Variants in LY6H observed in about 807,000 individuals in gnomAD.
The protein encoded by LY6H is lymphocyte antigen 6 family member H, also known as lymphocyte antigen 6H.
A neutral mutation model predicts 14.6 loss-of-function variants in LY6H; 8 were observed. The ratio of observed to expected loss-of-function variants is 0.55; its 90% CI spans 0.32 to 0.99. The LOEUF is 0.99. Ranked by LOEUF, LY6H falls within the 50% of genes least tolerant of loss-of-function variation. LY6H has a pLI of 0.04. For synonymous variants in LY6H, 115 were observed against 97.2 expected, an observed-to-expected ratio of 1.18 and a Z score of -1.08; for missense variants, 196 against 219.6, an observed-to-expected ratio of 0.89 and a Z score of 0.68.
chr8:143,160,102 G>A lies in LY6H; in HGVS notation c.2+96C>T, dbSNP rs980768950. 1.3e-5 allele frequency: 14 copies of A among 1,078,072 alleles called. No homozygotes were observed. In the South Asian group the frequency reaches 2.3e-4, roughly 18 times the overall value. The allele number at this position is 1,078,072 out of a possible 1,614,324, so 66.8% of individuals were successfully genotyped here. A position where few individuals can be genotyped will look rare whatever the true frequency, so the allele number is the denominator to read the frequency against. ...CCTGGGCTGGGGGGCCGGGAACCCCGGGCCGAGTCCCCTCCCTTGGCCTTC... is the reference window on the plus strand; with the variant it reads ...CCTGGGCTGGGGGGCCGGGAACCCCAGGCCGAGTCCCCTCCCTTGGCCTTC... On this transcript the variant is annotated intron_variant, in intron 1 of 3. Transcript: ENST00000342752.
At chr8:143,159,090 C>T in intron 2 of LY6H, 168 bp from the exon 3 acceptor site, 1 of 923,710 alleles carries the variant, frequency 1.1e-6, no homozygotes, top group Non-Finnish European at 1.7e-6. Context: ...GGCCCTGGGA[C>T]AACTGTGCCC....
chr8:143,160,164 G>T, intron 1 of LY6H, 34 bp downstream of exon 1: 2 of 1,276,656 alleles, frequency 1.6e-6, no homozygotes, highest in Non-Finnish European at 2.0e-6. Context: ...ATGGGGCGTG[G>T]AGCGCGGGCC....
At chr8:143,159,453 C>G in intron 2 of LY6H, 129 bp downstream of exon 2, 1 of 1,144,286 alleles carries the variant, frequency 8.7e-7, no homozygotes, top group African/African-American at 1.6e-5. Context: ...GCAGGGGTCC[C>G]GGAGGGGGCG....
chr8:143,158,857 A>G lies in LY6H; in HGVS notation c.196T>C (p.Cys66Arg). 1 of 1,610,414 alleles carries G rather than the reference A, an allele frequency of 6.2e-7. No homozygotes were observed. Among genetic ancestry groups the G allele is most frequent in the Non-Finnish European group, 8.5e-7 (1 of 1,177,206 alleles). ...TNSSHCTPKQCQPSDTVCASV... is the reference protein window; with the variant it reads ...TNSSHCTPKQRQPSDTVCASV... ...GCACACACCGTGTCGGACGGCTGGCACTGCTTTGGGGTGCAATGGCTGGAG... is the reference window on the plus strand; with the variant it reads ...GCACACACCGTGTCGGACGGCTGGCGCTGCTTTGGGGTGCAATGGCTGGAG... The change falls in exon 3 of 4, where the codon TGC becomes CGC. Residue 66 changes from cysteine to arginine, a missense_variant. Physicochemically the swap from Cys to Arg is radical, Grantham distance 180. Coordinates refer to ENST00000342752, the MANE Select transcript of LY6H (RefSeq NM_001135655.2).
Position 143,158,178 on chromosome 8 carries a change from C to T in LY6H, c.*72G>A, listed in dbSNP as rs931241967. 138 of 1,145,184 alleles carry T rather than the reference C, an allele frequency of 1.2e-4. No individual in the cohort carries two copies. The highest frequency in any genetic ancestry group is 1.6e-4 in the Non-Finnish European group (127 of 808,812). The allele number at this position is 1,145,184 out of a possible 1,614,324, so 70.9% of individuals were successfully genotyped here. A position where few individuals can be genotyped will look rare whatever the true frequency, so the allele number is the denominator to read the frequency against. On this transcript the variant is annotated 3_prime_UTR_variant, in exon 4 of 4. Transcript: ENST00000342752. ...CCAAGGCTGCCCCCAGCCCCAGCCA[C>T]GCCAGGCTGGGGAGAGGGCAGCCAC...
In LY6H at chr8:143,158,999, TC is replaced by T. The variant is rs779985866; in HGVS notation, c.131-78del. Reference sequence around the variant, plus strand: ...GGCAGCCCCCTGCGCCCCCCACCCATCCCCCTGCTGCAGGCACTCCTGGGAG... The same window carrying T: ...GGCAGCCCCCTGCGCCCCCCACCCATCCCCTGCTGCAGGCACTCCTGGGAG... On this transcript the variant is annotated intron_variant, in intron 2 of 3. Transcript: ENST00000342752. The T allele has an allele frequency of 4.7e-6, 7 of 1,488,262 alleles. No individual in the cohort carries two copies. The Middle Eastern group carries it at 6.0e-4, about 127-fold the overall frequency. 92.2% of individuals were successfully genotyped at this position (1,488,262 alleles called of 1,614,324 possible).
rs144642261 is a variant in LY6H at position 143,158,319 on chromosome 8, G to A, written c.417C>T (p.His139=). The A allele has an allele frequency of 7.1e-5, 115 of 1,613,444 alleles. No individual in the cohort carries two copies. The highest frequency in any genetic ancestry group is 8.8e-5 in the Non-Finnish European group (104 of 1,179,856). The change falls in exon 4 of 4, where the codon CAC becomes CAT. Residue 139 remains histidine (H), a synonymous_variant. Coordinates refer to ENST00000342752, the MANE Select transcript of LY6H (RefSeq NM_001135655.2). ...GCCCCCCGGCCAGGGCCCAGGGGCT[G>A]TGCCCTGCCCCTGCCGCCCCATTGC... ...DLCNGAAGAG[H]SPWALAGGLL...
rs1207156966 is a variant in LY6H at position 143,159,646 on chromosome 8, C to T, written c.66G>A (p.Met22Ile). The part of the protein sequence containing the change: ...PRAAPRPTRS[M>I]LPAAMKGLGL... The stretch of plus-strand genomic sequence containing the variant: ...CGAGGCCCTTCATGGCTGCAGGCAG[C>T]ATGCTCCGGGTGGGCCTGGGGGCGG... The change falls in exon 2 of 4, where the codon ATG (methionine) becomes ATA (isoleucine). Residue 22 changes from methionine to isoleucine, a missense_variant. Transcript: ENST00000342752. The T allele has an allele frequency of 4.2e-6, 6 of 1,444,354 alleles. No individual in the cohort carries two copies. In the East Asian group the frequency reaches 1.5e-4, roughly 35 times the overall value. The allele number at this position is 1,444,354 out of a possible 1,614,324, so 89.5% of individuals were successfully genotyped here.
intron 2 of LY6H, 188 bp from the exon 3 acceptor site, chr8:143,159,110 A>T (rs1586673854): frequency 1.3e-6 from 1 of 763,904 alleles, no homozygotes; most frequent in East Asian, 2.7e-5. Context: ...CCATCCTGGC[A>T]GTTTGAGGGG....
chr8:143,159,425 G>A, intron 2 of LY6H, 157 bp downstream of exon 2: 5 of 832,378 alleles, frequency 6.0e-6, no homozygotes, highest in Non-Finnish European at 8.6e-6. Flanking sequence ...CAGAGGGGCC[G>A]AGGGCCGGGC....
chr8:143,159,359 C>T, intron 2 of LY6H: 1 of 567,556 alleles, frequency 1.8e-6, no homozygotes, highest in Non-Finnish European at 3.0e-6. Flanking sequence ...CGGGGCCAGC[C>T]GCCCACCAGT....
At chr8:143,160,026 G>T in intron 1 of LY6H, 172 bp downstream of exon 1, 3 of 1,186,016 alleles carry the variant, frequency 2.5e-6, no homozygotes, top group Non-Finnish European at 3.2e-6. Context: ...GCGGGAGCGG[G>T]TGGGACCTGC....
intron 1 of LY6H, 94 bp downstream of exon 1, chr8:143,160,104 G>C (rs1815563015): frequency 2.8e-6 from 3 of 1,088,634 alleles, no homozygotes; most frequent in Non-Finnish European, 3.5e-6. Context: ...GGAACCCCGG[G>C]CCGAGTCCCC....
chr8:143,158,682 C>T lies in LY6H; in HGVS notation c.250+121G>A, dbSNP rs10106616. The stretch of plus-strand genomic sequence containing the variant: ...CCAGGGGGGGACAGCAGGACAGTAT[C>T]CTGCCTGCCGCCCCACGCTCTCACT... On this transcript the variant is annotated intron_variant, in intron 3 of 3. Coordinates refer to ENST00000342752, the MANE Select transcript of LY6H (RefSeq NM_001135655.2). The T allele has an allele frequency of 1.1e-3, 1,568 of 1,366,832 alleles. 17 individuals carry two copies. In the African/African-American group the frequency reaches 0.021, roughly 18 times the overall value. The allele number at this position is 1,366,832 out of a possible 1,614,324, so 84.7% of individuals were successfully genotyped here. A position where few individuals can be genotyped will look rare whatever the true frequency, so the allele number is the denominator to read the frequency against.
At position 143,159,604 on chromosome 8, in the gene LY6H, G is replaced by C; in HGVS notation, c.108C>G (p.Ala36=). The C allele has an allele frequency of 3.3e-6, 5 of 1,497,856 alleles. No individual in the cohort carries two copies. The highest frequency in any genetic ancestry group is 4.4e-6 in the Non-Finnish European group (5 of 1,131,422). The allele number at this position is 1,497,856 out of a possible 1,614,324, so 92.8% of individuals were successfully genotyped here. Residue 36 remains alanine (A), a synonymous_variant, in exon 2 of 4, where the codon GCC becomes GCG. Coordinates refer to ENST00000342752, the MANE Select transcript of LY6H (RefSeq NM_001135655.2). ...CACCGGGCGCCGAGCACAGCAGGAC[G>C]GCCAGCAGCGCCAGGCCGAGGCCCT... is the stretch of plus-strand genomic sequence containing the variant. ...AMKGLGLALL[A]VLLCSAPAHG...
At position 143,158,234 on chromosome 8, in the gene LY6H, T is replaced by G. The variant is rs1342588361; in HGVS notation, c.*16A>C. 1.9e-6 allele frequency: 3 copies of G among 1,579,178 alleles called. No homozygotes were observed. Among genetic ancestry groups the G allele is most frequent in the Non-Finnish European group, 2.6e-6 (3 of 1,155,002 alleles). ...CAGGGGAGCAAGCTCAGAAGCCCCG[T>G]GGGAAGGAGGAGACATCAGGGCCCA... is the stretch of plus-strand genomic sequence containing the variant. On this transcript the variant is annotated 3_prime_UTR_variant, in exon 4 of 4. Transcript: ENST00000342752.
chr8:143,159,111 G>A, intron 2 of LY6H, 189 bp from the exon 3 acceptor site: 1 of 757,988 alleles, frequency 1.3e-6, no homozygotes, highest in Non-Finnish European at 2.2e-6. Context: ...CATCCTGGCA[G>A]TTTGAGGGGA....
chr8:143,158,941 G>A lies in LY6H; in HGVS notation c.131-19C>T, dbSNP rs1815520980. On this transcript the variant is annotated intron_variant, in intron 2 of 3. Coordinates refer to ENST00000342752, the MANE Select transcript of LY6H (RefSeq NM_001135655.2). The stretch of plus-strand genomic sequence containing the variant: ...CCATGAGCTGGGCAGGGCATGGGGA[G>A]GAGGGTGACCAGAGGCACTGGGGTC... The A allele has an allele frequency of 6.2e-7, 1 of 1,612,538 alleles. No homozygotes were observed. The highest frequency in any genetic ancestry group is 8.5e-7 in the Non-Finnish European group (1 of 1,179,514).
intron 1 of LY6H, 129 bp downstream of exon 1, chr8:143,160,068 AC>A: frequency 1.1e-6 from 1 of 887,764 alleles, no homozygotes; most frequent in Non-Finnish European, 1.5e-6. Context: ...CCAGGTCCCC[AC>A]CCCCACCCCT....
Sources: allele counts gnomAD v4.1 joint callset, GRCh38; gene constraint gnomAD v4.1.1; transcripts MANE v1.5; gene names NCBI Gene and HGNC (gene_info 2026-07-23, HGNC 2026-07-21).